DNASE1L1: variants seen among roughly 807,000 people sequenced by gnomAD.
The protein encoded by DNASE1L1 is deoxyribonuclease-1-like 1.
Under a neutral mutation model 18.6 loss-of-function variants are expected in DNASE1L1, and 8 were observed. The observed-to-expected ratio is 0.43, with a 90% confidence interval of 0.25 to 0.78. DNASE1L1 has a LOEUF of 0.78. Ranked by LOEUF, DNASE1L1 falls within the 30% of genes least tolerant of loss-of-function variation. The pLI is 0.23. For missense variants in DNASE1L1, 214 were observed against 258.2 expected (o/e 0.83, Z 1.17); for synonymous variants, 114 against 114.2 (o/e 1.00, Z 0.01).
chrX:154,410,868 A>G (rs2068265619), upstream of DNASE1L1, among the ~76,000 whole-genome samples: 1 of 110,823 alleles, frequency 9.0e-6, no homozygotes, highest in Admixed American at 9.6e-5. Context: ...ACAGAGCGAG[A>G]CTCCTAAAAA....
At chrX:154,406,988 G>C (rs1277716354) in intron 1 of DNASE1L1, among the ~76,000 whole-genome samples, 1 of 111,122 alleles carries the variant, frequency 9.0e-6, no homozygotes, top group Non-Finnish European at 1.9e-5. Flanking sequence ...TGTCATATTG[G>C]TCTCCATGGT....
intron 1 of DNASE1L1, among the ~76,000 whole-genome samples, chrX:154,408,311 C>T (rs1205492132): frequency 8.9e-6 from 1 of 112,291 alleles, no homozygotes; most frequent in Non-Finnish European, 1.9e-5. Flanking sequence ...TTTTCGCCTC[C>T]ATTAGCAACT....
rs1170447353 is a variant in DNASE1L1, at chrX:154,403,582, C to T, written c.352G>A (p.Asp118Asn). The T allele has an allele frequency of 2.5e-6, 3 of 1,211,899 alleles. No individual in the cohort carries two copies. Among genetic ancestry groups the T allele is most frequent in the Non-Finnish European group, 3.4e-6 (3 of 895,481 alleles). Residue 118 changes from aspartate (D) to asparagine (N), a missense_variant, in exon 5 of 8, where the codon GAT (aspartate) becomes AAT (asparagine). Coordinates refer to ENST00000369807, the MANE Select transcript of DNASE1L1 (RefSeq NM_001303620.2). ...TQVLSSYVYN[D>N]EDDVFAREPF... Reference sequence around the variant, plus strand: ...TCCCGGGCAAAGACGTCATCCTCATCGTTGTACACGTAGGAACTCAGGACC... The same window carrying T: ...TCCCGGGCAAAGACGTCATCCTCATTGTTGTACACGTAGGAACTCAGGACC...
At position 154,405,616 on chromosome X, in the gene DNASE1L1, G is replaced by A. The variant is rs782227237; in HGVS notation, c.-48C>T. 498 of 1,078,818 alleles carry A rather than the reference G, an allele frequency of 4.6e-4. No individual in the cohort carries two copies. The highest frequency in any genetic ancestry group is 4.4e-4 in the Non-Finnish European group (363 of 822,315). 88.9% of individuals were successfully genotyped at this position (1,078,818 alleles called of 1,213,427 possible). On this transcript the variant is annotated 5_prime_UTR_variant, in exon 2 of 8. Coordinates refer to ENST00000369807, the MANE Select transcript of DNASE1L1 (RefSeq NM_001303620.2). The stretch of plus-strand genomic sequence containing the variant: ...CACCCCAGGAATCCAGGCTGCCCCA[G>A]GGTGCGCTCTCACTGGGCTCAGTTC...
chrX:154,411,606 G>A (rs782444291), upstream of DNASE1L1: 17 of 444,305 alleles, frequency 3.8e-5, no homozygotes, highest in Non-Finnish European at 6.1e-5. Context: ...GTTCCGCAGC[G>A]CGCCCACGGC....
chrX:154,403,433 CT>C (rs1268976162), intron 5 of DNASE1L1, 52 bp from the exon 6 acceptor site: 2 of 1,198,520 alleles, frequency 1.7e-6, no homozygotes, highest in African/African-American at 3.5e-5. Flanking sequence ...CCTTCTCCCC[CT>C]AGCCCGTCTG....
chrX:154,407,218 A>ATTTTTTTT (rs782115573), intron 1 of DNASE1L1, among the ~76,000 whole-genome samples: 2 of 25,750 alleles, frequency 7.8e-5, no homozygotes, highest in African/African-American at 1.2e-4. Context: ...AAGTGCTGGG[A>ATTTTTTTT]TTTTTTTTTT....
chrX:154,408,050 A>G (rs1557188910), intron 1 of DNASE1L1, among the ~76,000 whole-genome samples: 1 of 109,408 alleles, frequency 9.1e-6, no homozygotes, highest in Non-Finnish European at 1.9e-5. Flanking sequence ...ATCCTGCCTC[A>G]GCCTCCCAAG....
chrX:154,403,355 G>A lies in DNASE1L1; in HGVS notation c.439C>T (p.Leu147=). ...TCTACGGCCTTAGGAGTGGTGTGCAGCGGGACCAACACCAGGCTGGGAAGG... is the reference window on the plus strand; with the variant it reads ...TCTACGGCCTTAGGAGTGGTGTGCAACGGGACCAACACCAGGCTGGGAAGG... The part of the protein sequence containing the change: ...NVLPSLVLVP[L]HTTPKAVEKE... The change falls in exon 6 of 8, where the codon CTG becomes TTG. Residue 147 remains leucine (L), a synonymous_variant. Transcript: ENST00000369807. 2.5e-6 allele frequency: 3 copies of A among 1,211,567 alleles called. No individual in the cohort carries two copies. The highest frequency in any genetic ancestry group is 3.4e-6 in the Non-Finnish European group (3 of 895,452).
upstream of DNASE1L1, chrX:154,412,058 G>A (rs2068323107): frequency 5.8e-6 from 7 of 1,209,537 alleles, no homozygotes; most frequent in Non-Finnish European, 6.7e-6. Flanking sequence ...GGCGAGCCCG[G>A]AGCGCCTGAC....
chrX:154,404,107 G>A (rs1373619421), intron 4 of DNASE1L1, among the ~76,000 whole-genome samples: 1 of 108,338 alleles, frequency 9.2e-6, no homozygotes, highest in African/African-American at 3.4e-5. Flanking sequence ...CCACGGACTG[G>A]GTATAGTACA....
intron 1 of DNASE1L1, among the ~76,000 whole-genome samples, chrX:154,406,216 C>T (rs911965150): frequency 8.2e-5 from 9 of 109,982 alleles, no homozygotes; most frequent in Admixed American, 1.9e-4. Flanking sequence ...GTGATCTGCC[C>T]GCCTCGGCCT....
upstream of DNASE1L1, chrX:154,412,021 G>A (rs782506570): frequency 1.7e-6 from 2 of 1,204,529 alleles, no homozygotes; most frequent in East Asian, 6.0e-5. Context: ...GACTTAGGGT[G>A]GGGGACGCCG....
chrX:154,402,590 GGACTACA>G lies in DNASE1L1; in HGVS notation c.*110_*116del, dbSNP rs1452394834. On this transcript the variant is annotated 3_prime_UTR_variant, in exon 8 of 8. Transcript: ENST00000369807. ...CAAATCAAACAAGGCAGGCAGGGGTGGACTACAGTCACAGGGCAACTATAGTTGAAGC... is the reference window on the plus strand; with the variant it reads ...CAAATCAAACAAGGCAGGCAGGGGTGGTCACAGGGCAACTATAGTTGAAGC... The G allele has an allele frequency of 2.4e-5, 17 of 718,096 alleles. No homozygotes were observed. The highest frequency in any genetic ancestry group is 3.2e-5 in the Non-Finnish European group (16 of 500,947). The allele number at this position is 718,096 out of a possible 1,213,427, so 59.2% of individuals were successfully genotyped here. A position where few individuals can be genotyped will look rare whatever the true frequency, so the allele number is the denominator to read the frequency against.
At chrX:154,403,219 C>T (rs782218001) in intron 6 of DNASE1L1, 29 bp from the exon 7 acceptor site, 32 of 1,209,652 alleles carry the variant, frequency 2.6e-5, no homozygotes, top group South Asian at 3.5e-5. Context: ...TCAGGCTGGC[C>T]GCTGGGCCAC....
In DNASE1L1 at chrX:154,402,758, AGT is replaced by A; in HGVS notation, c.856_857del (p.Thr286CysfsTer32). On this transcript the variant is annotated frameshift_variant, in exon 8 of 8. Transcript: ENST00000369807. LOFTEE classifies it low-confidence loss of function (END_TRUNC). ...ACAGGAGTGATAGCAGCAACAGAAC[AGT>A]GAGGCTGAGAGGCTGGACGCTGTGC... ...QAHSVQPLSL[T>X]VLLLLSLLSP... 8.3e-7 allele frequency: 1 copy of A among 1,211,603 alleles called. No homozygotes were observed. Among genetic ancestry groups the A allele is most frequent in the South Asian group, 1.8e-5 (1 of 56,942 alleles).
chrX:154,407,766 C>A (rs782276434), intron 1 of DNASE1L1, among the ~76,000 whole-genome samples: 34 of 84,962 alleles, frequency 4.0e-4, no homozygotes, highest in East Asian at 1.2e-3. Context: ...CGGCCCCCCC[C>A]CTTTTTTTTT....
chrX:154,405,585 CG>C lies in DNASE1L1; in HGVS notation c.-18del. 3 of 1,125,539 alleles carry C rather than the reference CG, an allele frequency of 2.7e-6. No homozygotes were observed. The highest frequency in any genetic ancestry group is 2.7e-5 in the Admixed American group (1 of 37,616). The allele number at this position is 1,125,539 out of a possible 1,213,427, so 92.8% of individuals were successfully genotyped here. A position where few individuals can be genotyped will look rare whatever the true frequency, so the allele number is the denominator to read the frequency against. ...GTAGTGCATGGCTGTGTGTGGCTGC[CG>C]GGGACACCCCAGGAATCCAGGCTGC... On this transcript the variant is annotated 5_prime_UTR_variant, in exon 2 of 8. Transcript: ENST00000369807.
chrX:154,401,774 C>G lies in DNASE1L1; in HGVS notation c.*933G>C, dbSNP rs945917951. On this transcript the variant is annotated 3_prime_UTR_variant, in exon 8 of 8. Coordinates refer to ENST00000369807, the MANE Select transcript of DNASE1L1 (RefSeq NM_001303620.2). ...AGCCATTTCTTAGGTTTTTAATTAC[C>G]TTTATTTTATTTTGCCAAACATACC... is the stretch of plus-strand genomic sequence containing the variant. 12 of 110,822 alleles carry G rather than the reference C, an allele frequency of 1.1e-4. No homozygotes were observed. Among genetic ancestry groups the G allele is most frequent in the African/African-American group, 4.0e-4 (12 of 29,662 alleles). The allele number at this position is 110,822 out of a possible 1,213,427, so 9.1% of individuals were successfully genotyped here.
Sources: allele counts gnomAD v4.1 joint callset (sites outside exome capture counted in the v4.1 genomes callset), GRCh38; gene constraint gnomAD v4.1.1; transcripts MANE v1.5; gene names NCBI Gene and HGNC (gene_info 2026-07-23, HGNC 2026-07-21).